Variants in BIRC6 observed in about 807,000 individuals in gnomAD.
The protein encoded by BIRC6 is dual E2 ubiquitin-conjugating enzyme/E3 ubiquitin-protein ligase BIRC6.
Under a neutral mutation model 503.3 loss-of-function variants are expected in BIRC6, and 98 were observed. That is an observed-to-expected ratio of 0.19 (90% confidence interval 0.17 to 0.23). The LOEUF (loss-of-function observed/expected upper bound fraction) is 0.23. BIRC6 is among the 10% of genes least tolerant of loss of function. The probability of loss-of-function intolerance (pLI) is 1.00; values close to 1 mark genes in which losing one functional copy is unlikely to be tolerated. For synonymous variants in BIRC6, 2,240 were observed against 2,078.7 expected (o/e 1.08, Z -2.11); for missense variants, 5,360 against 5,806.0 (o/e 0.92, Z 2.50).
At chr2:32,413,519 A>G (rs893870082) in intron 9 of BIRC6, among the ~76,000 whole-genome samples, 2 of 151,800 alleles carry the variant, frequency 1.3e-5, no homozygotes, top group Non-Finnish European at 2.9e-5. Context: ...GGGTTTTGCC[A>G]TGTTACTCAG....
At position 32,469,380 on chromosome 2, in the gene BIRC6, T is replaced by G. The variant is rs765821197; in HGVS notation, c.6128-15T>G. 2 of 1,593,104 alleles carry G rather than the reference T, an allele frequency of 1.3e-6. No homozygotes were observed. The highest frequency in any genetic ancestry group is 2.3e-5 in the South Asian group (2 of 88,060). On this transcript the variant is annotated splice_polypyrimidine_tract_variant and intron_variant, in intron 29 of 73. Transcript: ENST00000421745. ...ATTTAAATAGGAAAGTTTACTGTTT[T>G]CTTTCTTGTAATAGGACACTCTGTT...
Position 32,491,526 on chromosome 2 carries a change from A to T in BIRC6, c.8308A>T (p.Ser2770Cys). Residue 2770 changes from serine (S) to cysteine (C), a missense_variant, in exon 44 of 74, where the codon AGT becomes TGT. Ser to Cys is a moderately radical substitution (Grantham distance 112). Transcript: ENST00000421745. ...HVLVKFLSGTSPHGTNQHSPQ... is the reference protein window; with the variant it reads ...HVLVKFLSGTCPHGTNQHSPQ... Reference sequence around the variant, plus strand: ...ATTAGTGAAATTTCTTTCTGGCACCAGTCCACATGGAACAAATCAACACAG... The same window carrying T: ...ATTAGTGAAATTTCTTTCTGGCACCTGTCCACATGGAACAAATCAACACAG... 1 of 1,613,662 alleles carries T rather than the reference A, an allele frequency of 6.2e-7. No homozygotes were observed. The highest frequency in any genetic ancestry group is 8.5e-7 in the Non-Finnish European group (1 of 1,179,696).
At chr2:32,479,791 A>G (rs2050167560) in intron 37 of BIRC6, among the ~76,000 whole-genome samples, 174 bp downstream of exon 37, 1 of 152,222 alleles carries the variant, frequency 6.6e-6, no homozygotes, top group Non-Finnish European at 1.5e-5. Flanking sequence ...TTCTCATTAC[A>G]ACAAAATGCT....
chr2:32,432,284 T>C (rs1022441736), intron 12 of BIRC6, among the ~76,000 whole-genome samples: 1 of 152,098 alleles, frequency 6.6e-6, no homozygotes, highest in African/African-American at 2.4e-5. Context: ...GGTGTGGTGG[T>C]GCACACCTGT....
intron 32 of BIRC6, among the ~76,000 whole-genome samples, chr2:32,472,807 A>G (rs1470622068): frequency 6.6e-6 from 1 of 152,204 alleles, no homozygotes; most frequent in East Asian, 1.9e-4. Context: ...AAATTGAATG[A>G]CATCATCAAA....
intron 65 of BIRC6, among the ~76,000 whole-genome samples, chr2:32,550,777 A>G (rs1420283981): frequency 6.6e-6 from 1 of 152,142 alleles, no homozygotes; most frequent in Non-Finnish European, 1.5e-5. Context: ...TATTTACATA[A>G]TATTTACAGT....
At chr2:32,443,611 CAA>C in intron 20 of BIRC6, 23 bp downstream of exon 20, 1 of 1,506,520 alleles carries the variant, frequency 6.6e-7, no homozygotes, top group South Asian at 1.2e-5. Flanking sequence ...AATTTAATCA[CAA>C]ATAGTTATAG....
At chr2:32,420,183 G>A (rs2042786405) in intron 10 of BIRC6, among the ~76,000 whole-genome samples, 1 of 151,998 alleles carries the variant, frequency 6.6e-6, no homozygotes, top group Admixed American at 6.6e-5. Context: ...TTTGCTTTTT[G>A]TAATCTTTAT....
chr2:32,582,657 G>T (rs752525619), intron 66 of BIRC6, among the ~76,000 whole-genome samples: 1 of 152,136 alleles, frequency 6.6e-6, no homozygotes, highest in South Asian at 2.1e-4. Context: ...CCCAGCTACC[G>T]AGGCAGGAGA....
chr2:32,527,608 A>G (rs1301824387), intron 59 of BIRC6: 1 of 152,356 alleles, frequency 6.6e-6, no homozygotes, highest in Non-Finnish European at 1.5e-5. Flanking sequence ...TCTGGCCTGC[A>G]ACTGTGTTTA....
intron 59 of BIRC6, chr2:32,527,537 T>A (rs1384572779): frequency 6.6e-6 from 1 of 152,212 alleles, no homozygotes; most frequent in Non-Finnish European, 1.5e-5. Flanking sequence ...ATGCCATATA[T>A]GTTGTTGCCA....
intron 30 of BIRC6, 49 bp from the exon 31 acceptor site, chr2:32,470,119 C>A: frequency 7.5e-7 from 1 of 1,326,596 alleles, no homozygotes; most frequent in South Asian, 1.9e-5. Context: ...AAAAATTGAA[C>A]AATCGAATTG....
chr2:32,554,794 G>T (rs532839889), intron 65 of BIRC6, among the ~76,000 whole-genome samples: 1 of 151,740 alleles, frequency 6.6e-6, no homozygotes, highest in South Asian at 2.1e-4. Context: ...TTAAGAGTAG[G>T]TATTTAATTT....
At chr2:32,595,782 T>C (rs1398994009) in intron 68 of BIRC6, among the ~76,000 whole-genome samples, 4 of 152,226 alleles carry the variant, frequency 2.6e-5, no homozygotes. Flanking sequence ...TTTTGTCATA[T>C]TGTCTTTGAA....
rs539744861 is a variant in BIRC6 at position 32,600,187 on chromosome 2, T to G, written c.13992+287T>G. 2.6e-5 allele frequency among the ~76,000 whole-genome samples: 4 copies of G among 152,362 alleles called. No homozygotes were observed. In the East Asian group the frequency reaches 7.7e-4, roughly 29 times the overall value. ...AACTTATTTTAAGGTGTACCTTATA[T>G]TCAAGTGTTTTTACATTTTCTTATA... On this transcript the variant is annotated intron_variant, in intron 70 of 73. Coordinates refer to ENST00000421745, the MANE Select transcript of BIRC6 (RefSeq NM_016252.4).
chr2:32,509,932 T>C lies in BIRC6; in HGVS notation c.10175T>C (p.Ile3392Thr). 6.2e-7 allele frequency: 1 copy of C among 1,614,020 alleles called. No individual in the cohort carries two copies. The highest frequency in any genetic ancestry group is 8.5e-7 in the Non-Finnish European group (1 of 1,179,888). The change falls in exon 52 of 74, where the codon ATT becomes ACT. Residue 3392 changes from isoleucine (I) to threonine (T), a missense_variant. Ile to Thr is a moderately conservative substitution (Grantham distance 89). This residue lies in a region of BIRC6 where 878 missense variants were observed against 928.9 expected (regional missense o/e 0.95). Coordinates refer to ENST00000421745, the MANE Select transcript of BIRC6 (RefSeq NM_016252.4). ...LVKIGLQSTR[I>T]GLKLIDILLR... The stretch of plus-strand genomic sequence containing the variant: ...AAGATAGGACTGCAGTCTACTAGAA[T>C]TGGCCTGAAGCTCATAGACATTCTC...
At position 32,463,309 on chromosome 2, in the gene BIRC6, A is replaced by C. The variant is rs781167841; in HGVS notation, c.4869A>C (p.Ala1623=). 42 of 1,613,776 alleles carry C rather than the reference A, an allele frequency of 2.6e-5. No homozygotes were observed. Among genetic ancestry groups the C allele is most frequent in the Non-Finnish European group, 7.6e-6 (9 of 1,179,862 alleles). ...TAGCTTTGCAGTCTCTCTCTCATGC[A>C]ATGGCTTCAGCCGAGCAACAGCTAC... The part of the protein sequence containing the change: ...AQVALQSLSH[A]MASAEQQLQV... Residue 1623 remains alanine (A), a synonymous_variant, in exon 24 of 74, where the codon GCA becomes GCC. Coordinates refer to ENST00000421745, the MANE Select transcript of BIRC6 (RefSeq NM_016252.4).
chr2:32,413,469 C>T (rs949073504), intron 9 of BIRC6, among the ~76,000 whole-genome samples: 5 of 151,986 alleles, frequency 3.3e-5, no homozygotes, highest in East Asian at 1.9e-4. Context: ...CATGAGCCAT[C>T]GCGCCCAGCC....
intron 6 of BIRC6, among the ~76,000 whole-genome samples, chr2:32,400,479 C>T (rs1188534860): frequency 5.9e-5 from 9 of 151,424 alleles, no homozygotes; most frequent in Admixed American, 2.0e-4. Flanking sequence ...GCTGGGATTA[C>T]GGGCGCCCAC....
Sources: gnomAD v4.1 joint callset for allele counts (sites outside exome capture counted in the v4.1 genomes callset) on GRCh38, gnomAD v4.1.1 for gene constraint, gnomAD v4.1.1 regional missense constraint, MANE v1.5 for transcripts, NCBI Gene and HGNC (gene_info 2026-07-23, HGNC 2026-07-21) for gene names.